PCDH15: variants seen among roughly 807,000 people sequenced by gnomAD.
The protein encoded by PCDH15 is protocadherin related 15, also known as protocadherin-15.
In PCDH15, 129 loss-of-function variants were observed where a neutral mutation model predicts 178.5. That is an observed-to-expected ratio of 0.72 (90% CI 0.63 to 0.84). The LOEUF (loss-of-function observed/expected upper bound fraction) is 0.84. PCDH15 is among the 40% of genes least tolerant of loss of function. The pLI, the probability that PCDH15 is intolerant of heterozygous loss-of-function variation, is 0.00. For missense variants in PCDH15, 2,230 were observed against 2,099.9 expected (o/e 1.06, Z -1.21); for synonymous variants, 800 against 732.0 (o/e 1.09, Z -1.50).
At chr10:54,624,788 G>A (rs943927671) in intron 2 of PCDH15, among the ~76,000 whole-genome samples, 16 of 152,172 alleles carry the variant, frequency 1.1e-4, no homozygotes, top group Admixed American at 6.5e-5. Context: ...ATTGTGAACT[G>A]TGCATATGAG....
At chr10:54,140,223 A>C (rs180980317) in intron 14 of PCDH15, among the ~76,000 whole-genome samples, 2 of 152,344 alleles carry the variant, frequency 1.3e-5, no homozygotes, top group East Asian at 3.9e-4. Context: ...AGTTAAGCCC[A>C]AAGCTGGATG....
intron 1 of PCDH15, among the ~76,000 whole-genome samples, chr10:55,219,728 T>C (rs1361596517): frequency 2.0e-5 from 3 of 151,938 alleles, no homozygotes; most frequent in African/African-American, 7.3e-5. Context: ...AGACTAACAT[T>C]CATTGTTAGA....
chr10:54,407,228 AAGAGTACCTGGGAACTCTTT>A (rs1463128122), intron 3 of PCDH15, among the ~76,000 whole-genome samples: 2 of 152,114 alleles, frequency 1.3e-5, no homozygotes, highest in Non-Finnish European at 2.9e-5. Flanking sequence ...TTGATTGGAA[AAGAGTACCTGGGAACTCTTT>A]AGAGTATTTA....
At chr10:54,322,154 G>A (rs2061650632) in intron 7 of PCDH15, among the ~76,000 whole-genome samples, 1 of 151,876 alleles carries the variant, frequency 6.6e-6, no homozygotes, top group African/African-American at 2.4e-5. Flanking sequence ...ATATACTACT[G>A]CTCAAGGCTC....
At chr10:54,517,397 C>T (rs1365775718) in intron 3 of PCDH15, among the ~76,000 whole-genome samples, 1 of 152,090 alleles carries the variant, frequency 6.6e-6, no homozygotes. Flanking sequence ...CAAAAAACGG[C>T]AGGAGTTGCA....
intron 2 of PCDH15, among the ~76,000 whole-genome samples, chr10:55,052,424 G>A (rs926599907): frequency 6.6e-6 from 1 of 151,348 alleles, no homozygotes; most frequent in African/African-American, 2.4e-5. Flanking sequence ...ATGAGGCTGG[G>A]TGTGGTGGCT....
intron 2 of PCDH15, among the ~76,000 whole-genome samples, chr10:55,490,724 AT>A (rs1377681105): frequency 1.3e-5 from 2 of 151,834 alleles, no homozygotes; most frequent in Non-Finnish European, 2.9e-5. Context: ...ACAGAAAAAA[AT>A]ATTTAAATAA....
At chr10:53,936,806 G>A (rs925763315) in intron 25 of PCDH15, among the ~76,000 whole-genome samples, 1 of 152,002 alleles carries the variant, frequency 6.6e-6, no homozygotes, top group African/African-American at 2.4e-5. Context: ...TTATTCAAAT[G>A]ATATGTGGTA....
intron 28 of PCDH15, among the ~76,000 whole-genome samples, chr10:53,841,958 A>AAT (rs1564589909): frequency 6.6e-6 from 1 of 151,610 alleles, no homozygotes; most frequent in Non-Finnish European, 1.5e-5. Context: ...AAAAAAAAAA[A>AAT]AAAAAAACAA....
At chr10:54,309,355 ACT>A (rs2060758327) in intron 8 of PCDH15, among the ~76,000 whole-genome samples, 1 of 145,410 alleles carries the variant, frequency 6.9e-6, no homozygotes, top group South Asian at 2.2e-4. Flanking sequence ...ACACACACAC[ACT>A]TCACATATGT....
intron 1 of PCDH15, among the ~76,000 whole-genome samples, chr10:55,239,658 C>T (rs544301002): frequency 1.1e-4 from 16 of 152,206 alleles, no homozygotes; most frequent in Non-Finnish European, 1.8e-4. Context: ...ACCTCACAAG[C>T]ACAGGCAATC....
At chr10:54,060,305 C>T (rs1436159624) in intron 18 of PCDH15, among the ~76,000 whole-genome samples, 1 of 152,134 alleles carries the variant, frequency 6.6e-6, no homozygotes, top group Admixed American at 6.6e-5. Context: ...AAGAACAGTA[C>T]TTCCATTAAA....
chr10:54,892,212 AT>A (rs1954476003), intron 3 of PCDH15, among the ~76,000 whole-genome samples: 1 of 152,028 alleles, frequency 6.6e-6, no homozygotes, highest in Non-Finnish European at 1.5e-5. Context: ...GGATTTATTT[AT>A]TTCTCCTCCC....
At chr10:53,816,109 G>A in intron 35 of PCDH15, 130 bp downstream of exon 35, 1 of 393,336 alleles carries the variant, frequency 2.5e-6, no homozygotes, top group South Asian at 1.4e-4. Context: ...TATTTTGAAA[G>A]ACTCTTTTCT....
intron 2 of PCDH15, among the ~76,000 whole-genome samples, chr10:55,431,171 A>T (rs1480529427): frequency 1.2e-4 from 19 of 152,218 alleles, no homozygotes; most frequent in Admixed American, 1.2e-3. Context: ...AATACAAAAA[A>T]GTATATACAC....
intron 3 of PCDH15, among the ~76,000 whole-genome samples, chr10:54,868,280 A>G (rs1361765836): frequency 6.6e-6 from 1 of 152,182 alleles, no homozygotes; most frequent in East Asian, 1.9e-4. Flanking sequence ...TTTGAATTAT[A>G]CCTGTCTATA....
At chr10:55,333,586 G>A (rs1011591470) in intron 2 of PCDH15, among the ~76,000 whole-genome samples, 1 of 151,722 alleles carries the variant, frequency 6.6e-6, no homozygotes, top group South Asian at 2.1e-4. Flanking sequence ...TAAATATTAT[G>A]GTATTATTAT....
chr10:54,789,505 C>T (rs533157704), intron 1 of PCDH15, among the ~76,000 whole-genome samples: 3 of 151,936 alleles, frequency 2.0e-5, no homozygotes, highest in South Asian at 2.1e-4. Context: ...AAATCACTGA[C>T]AAGCAATTAA....
At chr10:55,016,185 A>G (rs1458680165) in intron 2 of PCDH15, among the ~76,000 whole-genome samples, 1 of 151,692 alleles carries the variant, frequency 6.6e-6, no homozygotes, top group Non-Finnish European at 1.5e-5. Context: ...ACAGGCATAC[A>G]ATGCGTAATA....
Sources: gnomAD v4.1 joint callset for allele counts (sites outside exome capture counted in the v4.1 genomes callset) on GRCh38, gnomAD v4.1.1 for gene constraint, MANE v1.5 for transcripts, NCBI Gene and HGNC (gene_info 2026-07-23, HGNC 2026-07-21) for gene names.